The following SLC35D4 variants were observed in gnomAD, a reference collection of about 807,000 sequenced individuals.
The protein encoded by SLC35D4 is solute carrier family 35 member D4.
chr18:23,420,475 G>A, the SLC35D4 span, among the ~76,000 whole-genome samples: 1 of 151,926 alleles, frequency 6.6e-6, no homozygotes, highest in Non-Finnish European at 1.5e-5. Context: ...CCAGGCTGAG[G>A]TGATCCTCCC....
At chr18:23,433,968 C>T in the SLC35D4 span, among the ~76,000 whole-genome samples, 1 of 152,088 alleles carries the variant, frequency 6.6e-6, no homozygotes, top group Non-Finnish European at 1.5e-5. Context: ...AGAATATGCT[C>T]ATAGTAGGAT....
At chr18:23,421,366 C>G in the SLC35D4 span, 1 of 1,613,806 alleles carries the variant, frequency 6.2e-7, no homozygotes, top group Non-Finnish European at 8.5e-7. Flanking sequence ...AGAGGTTATA[C>G]CTTGAACTGC....
At chr18:23,411,116 A>C in the SLC35D4 span, among the ~76,000 whole-genome samples, 22 of 149,772 alleles carry the variant, frequency 1.5e-4, no homozygotes, top group African/African-American at 5.2e-4. Context: ...CTCTAGGGAG[A>C]TACTGAGCTA....
the SLC35D4 span, chr18:23,296,810 CCT>C: frequency 6.6e-6 from 1 of 150,800 alleles, no homozygotes; most frequent in Non-Finnish European, 1.5e-5. Flanking sequence ...GCTCATAAAC[CCT>C]GTTTCCTCTG....
the SLC35D4 span, among the ~76,000 whole-genome samples, chr18:23,277,575 C>T: frequency 6.6e-6 from 1 of 152,184 alleles, no homozygotes; most frequent in Non-Finnish European, 1.5e-5. Flanking sequence ...CTAGTCTGGG[C>T]TTGTTCTCAT....
chr18:23,368,715 C>A, the SLC35D4 span: 1 of 1,386,298 alleles, frequency 7.2e-7, no homozygotes, highest in South Asian at 1.3e-5. Context: ...TATATTTTAC[C>A]TGAATATATA....
At chr18:23,354,361 A>G in the SLC35D4 span, among the ~76,000 whole-genome samples, 8 of 126,054 alleles carry the variant, frequency 6.3e-5, no homozygotes, top group African/African-American at 1.1e-4. Flanking sequence ...AAAAAAAAAA[A>G]AAAAAGAAAA....
At chr18:23,267,739 G>T in the SLC35D4 span, among the ~76,000 whole-genome samples, 1 of 152,004 alleles carries the variant, frequency 6.6e-6, no homozygotes, top group African/African-American at 2.4e-5. Context: ...CGCTCCCTTA[G>T]GTCCTCAGCC....
the SLC35D4 span, among the ~76,000 whole-genome samples, chr18:23,433,039 T>C: frequency 1.4e-5 from 2 of 147,964 alleles, no homozygotes; most frequent in East Asian, 4.0e-4. Context: ...AAATTTCTTA[T>C]GCTTATTATC....
At chr18:23,270,820 C>T in the SLC35D4 span, among the ~76,000 whole-genome samples, 5 of 152,212 alleles carry the variant, frequency 3.3e-5, no homozygotes, top group Non-Finnish European at 5.9e-5. Context: ...AGGCAGTGGG[C>T]AAGATGAACG....
chr18:23,287,603 C>T, the SLC35D4 span, among the ~76,000 whole-genome samples: 2 of 152,300 alleles, frequency 1.3e-5, no homozygotes, highest in East Asian at 1.9e-4. Flanking sequence ...TGGATACTTT[C>T]GCCTTTGGAT....
At chr18:23,330,615 A>G in the SLC35D4 span, among the ~76,000 whole-genome samples, 1 of 152,114 alleles carries the variant, frequency 6.6e-6, no homozygotes, top group African/African-American at 2.4e-5. Flanking sequence ...CCTGGCATTC[A>G]GCTCTCCGGA....
At chr18:23,392,000 C>A in the SLC35D4 span, among the ~76,000 whole-genome samples, 2 of 150,914 alleles carry the variant, frequency 1.3e-5, no homozygotes, top group African/African-American at 4.9e-5. Flanking sequence ...TGCAGTGATG[C>A]GATCTTGGCT....
At chr18:23,422,314 A>G in the SLC35D4 span, among the ~76,000 whole-genome samples, 2 of 151,842 alleles carry the variant, frequency 1.3e-5, no homozygotes, top group Admixed American at 1.3e-4. Flanking sequence ...CAGTGATAAC[A>G]TGCCTAAATC....
the SLC35D4 span, among the ~76,000 whole-genome samples, chr18:23,348,185 G>A: frequency 6.6e-6 from 1 of 152,030 alleles, no homozygotes; most frequent in Non-Finnish European, 1.5e-5. Flanking sequence ...ATTCTGCTAT[G>A]GTCAGAGAAC....
the SLC35D4 span, among the ~76,000 whole-genome samples, chr18:23,391,266 A>AAAGAT: frequency 8.6e-5 from 13 of 151,862 alleles, no homozygotes; most frequent in African/African-American, 2.9e-4. Context: ...AAAGAAAAGA[A>AAAGAT]AAGATCCTAG....
chr18:23,360,460 A>G, the SLC35D4 span, among the ~76,000 whole-genome samples: 4 of 152,158 alleles, frequency 2.6e-5, no homozygotes, highest in Non-Finnish European at 5.9e-5. Flanking sequence ...AAAGGAACAA[A>G]CTCATGATAT....
At chr18:23,346,799 G>T in the SLC35D4 span, among the ~76,000 whole-genome samples, 1 of 152,098 alleles carries the variant, frequency 6.6e-6, no homozygotes, top group East Asian at 1.9e-4. Context: ...TTGTTCTTTA[G>T]TCTGTGAAAA....
the SLC35D4 span, chr18:23,399,634 C>G: frequency 6.2e-7 from 1 of 1,613,812 alleles, no homozygotes; most frequent in Non-Finnish European, 8.5e-7. Context: ...GGAAGCCACA[C>G]AAGAACATGA....
Sources: gnomAD v4.1 joint callset for allele counts (sites outside exome capture counted in the v4.1 genomes callset) on GRCh38, gnomAD v4.1.1 for gene constraint, MANE v1.5 for transcripts, NCBI Gene and HGNC (gene_info 2026-07-23, HGNC 2026-07-21) for gene names.